ECI2: variants seen among roughly 807,000 people sequenced by gnomAD.
ECI2 encodes D3,D2-enoyl-CoA isomerase.
Under a neutral mutation model 38.4 loss-of-function variants are expected in ECI2, and 27 were observed. The observed-to-expected ratio is 0.70, with a 90% CI of 0.52 to 0.97. The LOEUF is 0.97. Among genes scored for constraint, ECI2 ranks in the 50% least tolerant of loss-of-function variants. The probability of loss-of-function intolerance (pLI) is 0.00; values close to 1 mark genes in which losing one functional copy is unlikely to be tolerated. For missense variants in ECI2, 470 were observed against 474.4 expected, an observed-to-expected ratio of 0.99 and a Z score of 0.09; for synonymous variants, 168 against 172.0, an observed-to-expected ratio of 0.98 and a Z score of 0.18.
chr6:4,135,543 C>G lies in ECI2; in HGVS notation c.18G>C (p.Leu6Phe). 6.5e-7 allele frequency: 1 copy of G among 1,542,972 alleles called. No individual in the cohort carries two copies. The highest frequency in any genetic ancestry group is 8.8e-7 in the Non-Finnish European group (1 of 1,136,984). The change falls in exon 1 of 10, where the codon TTG (leucine) becomes TTC (phenylalanine). Residue 6 changes from leucine to phenylalanine, a missense_variant. By Grantham distance (22) the Leu-to-Phe change is conservative. Coordinates refer to ENST00000380118, the MANE Select transcript of ECI2 (RefSeq NM_206836.3). MAMAY[L>F]AWRLARRSCP... ...ACGAACGCCGCGCCAGTCTCCAAGC[C>G]AAGTACGCCATCGCCATCCCTTGGG... is the stretch of plus-strand genomic sequence containing the variant.
chr6:4,130,804 T>C lies in ECI2; in HGVS notation c.275A>G (p.Lys92Arg). The C allele has an allele frequency of 1.2e-6, 2 of 1,614,222 alleles. No homozygotes were observed. Among genetic ancestry groups the C allele is most frequent in the Non-Finnish European group, 1.7e-6 (2 of 1,180,018 alleles). Reference protein sequence around the residue: ...PGVFDLINKAKWDAWNALGSL... With the variant: ...PGVFDLINKARWDAWNALGSL... Reference sequence around the variant, plus strand: ...GCCAAGGGCATTCCATGCGTCCCATTTGGCCTTGTTGATCAAGTCAAATAC... The same window carrying C: ...GCCAAGGGCATTCCATGCGTCCCATCTGGCCTTGTTGATCAAGTCAAATAC... The change falls in exon 3 of 10, where the codon AAA becomes AGA. Residue 92 changes from lysine (K) to arginine (R), a missense_variant. Physicochemically the swap from Lys to Arg is conservative, Grantham distance 26 (BLOSUM62 2). Coordinates refer to ENST00000380118, the MANE Select transcript of ECI2 (RefSeq NM_206836.3).
chr6:4,124,902 T>G, intron 7 of ECI2: 1 of 414,070 alleles, frequency 2.4e-6, no homozygotes, highest in Non-Finnish European at 5.0e-6. Context: ...AAGGATCAAC[T>G]AATCCCTTGC....
At chr6:4,133,853 C>T in intron 1 of ECI2, 142 bp from the exon 2 acceptor site, 1 of 998,068 alleles carries the variant, frequency 1.0e-6, no homozygotes, top group Admixed American at 3.7e-5. Context: ...AGCAAACTGG[C>T]TGCAAATAAT....
rs1407147876 is a variant in ECI2, at chr6:4,125,102, G to C, written c.795+148C>G. ...AGGAAAAATAAAATCAGTCAAATCA[G>C]CCTAATGCTTTGGGAAAAATCTAAA... On this transcript the variant is annotated intron_variant, in intron 7 of 9. Transcript: ENST00000380118. 1.8e-5 allele frequency: 24 copies of C among 1,310,362 alleles called. No individual in the cohort carries two copies. The East Asian group carries it at 5.4e-4, about 30-fold the overall frequency. The allele number at this position is 1,310,362 out of a possible 1,614,324, so 81.2% of individuals were successfully genotyped here.
intron 7 of ECI2, among the ~76,000 whole-genome samples, chr6:4,121,712 T>G (rs1383643189): frequency 1.3e-5 from 2 of 151,658 alleles, no homozygotes; most frequent in African/African-American, 4.8e-5. Flanking sequence ...TTTTTTACAT[T>G]TAAGACATAT....
chr6:4,120,239 T>C (rs1305949180), intron 7 of ECI2, among the ~76,000 whole-genome samples: 1 of 152,188 alleles, frequency 6.6e-6, no homozygotes, highest in Non-Finnish European at 1.5e-5. Flanking sequence ...GAGAAATGCA[T>C]AATTAGGCAA....
rs1286671258 is a variant in ECI2 at position 4,126,298 on chromosome 6, CTG to C, written c.572-63_572-62del. On this transcript the variant is annotated intron_variant, in intron 5 of 9. Coordinates refer to ENST00000380118, the MANE Select transcript of ECI2 (RefSeq NM_206836.3). The stretch of plus-strand genomic sequence containing the variant: ...TCATCCTATAATTCTTGAGTATCTA[CTG>C]CATGCCAAACTCTATGGTTAGGCAA... The C allele has an allele frequency of 2.9e-5, 41 of 1,398,244 alleles. No homozygotes were observed. The East Asian group carries it at 8.2e-4, about 28-fold the overall frequency. 86.6% of individuals were successfully genotyped at this position (1,398,244 alleles called of 1,614,324 possible). A position where few individuals can be genotyped will look rare whatever the true frequency, so the allele number is the denominator to read the frequency against.
intron 7 of ECI2, among the ~76,000 whole-genome samples, chr6:4,122,852 C>T (rs1024590229): frequency 1.4e-4 from 22 of 152,196 alleles, no homozygotes; most frequent in African/African-American, 3.6e-4. Context: ...TGTGTGTATG[C>T]GTATATTTAT....
intron 4 of ECI2, among the ~76,000 whole-genome samples, chr6:4,129,550 G>A (rs928860550): frequency 4.6e-5 from 7 of 152,188 alleles, no homozygotes; most frequent in African/African-American, 1.7e-4. Flanking sequence ...TCTGTGTGGA[G>A]AGTGCTGGCA....
chr6:4,115,780 A>G lies in ECI2; in HGVS notation c.*94T>C, dbSNP rs1772216976. The G allele has an allele frequency of 6.7e-6, 10 of 1,497,806 alleles. No homozygotes were observed. In the South Asian group the frequency reaches 1.2e-4, roughly 18 times the overall value. The allele number at this position is 1,497,806 out of a possible 1,614,324, so 92.8% of individuals were successfully genotyped here. On this transcript the variant is annotated 3_prime_UTR_variant, in exon 10 of 10. Coordinates refer to ENST00000380118, the MANE Select transcript of ECI2 (RefSeq NM_206836.3). Reference sequence around the variant, plus strand: ...TTGTAATTGATATTCTAGCACTACAAAAGGCACAATGAAGCTTATTTAGTT... The same window carrying G: ...TTGTAATTGATATTCTAGCACTACAGAAGGCACAATGAAGCTTATTTAGTT...
In ECI2 at chr6:4,125,331, C is replaced by G; in HGVS notation, c.714G>C (p.Leu238=). Residue 238 remains leucine (L), a synonymous_variant, in exon 7 of 10, where the codon CTG becomes CTC. Transcript: ENST00000380118. ...CAGCTGGACCATTGACCACTGCAAT[C>G]AGAGGCTTAGGAAAATCTATAAAAC... ...VGCFIDFPKP[L]IAVVNGPAVG... The G allele has an allele frequency of 6.2e-7, 1 of 1,614,192 alleles. No homozygotes were observed. Among genetic ancestry groups the G allele is most frequent in the Non-Finnish European group, 8.5e-7 (1 of 1,180,050 alleles).
chr6:4,117,579 G>C, intron 8 of ECI2, 128 bp from the exon 9 acceptor site: 1 of 1,318,968 alleles, frequency 7.6e-7, no homozygotes, highest in Non-Finnish European at 1.0e-6. Flanking sequence ...TTCTCAGTAA[G>C]GGAGAAGCTG....
Position 4,130,511 on chromosome 6 carries a change from G to A in ECI2, c.362C>T (p.Ser121Leu). 1 of 1,614,222 alleles carries A rather than the reference G, an allele frequency of 6.2e-7. No homozygotes were observed. The highest frequency in any genetic ancestry group is 8.5e-7 in the Non-Finnish European group (1 of 1,180,044). The change falls in exon 4 of 10, where the codon TCA becomes TTA. Residue 121 changes from serine to leucine, a missense_variant. Physicochemically the swap from Ser to Leu is moderately radical, Grantham distance 145. Coordinates refer to ENST00000380118, the MANE Select transcript of ECI2 (RefSeq NM_206836.3). ...YVDLVSSLSP[S>L]LESSSQVEPG... ...CTCCACCTGACTAGAGGATTCCAAT[G>A]AAGGACTCAAACTGGACACCAAATC...
intron 2 of ECI2, among the ~76,000 whole-genome samples, chr6:4,132,440 C>T (rs1298465208): frequency 6.6e-6 from 1 of 152,034 alleles, no homozygotes; most frequent in Non-Finnish European, 1.5e-5. Context: ...ATAAAGACTC[C>T]TACCAGTCAT....
In ECI2 at chr6:4,115,985, TTC is replaced by T. The variant is rs781117268; in HGVS notation, c.1072_1073del (p.Glu358LysfsTer6). The T allele has an allele frequency of 4.3e-6, 7 of 1,613,864 alleles. No individual in the cohort carries two copies. Among genetic ancestry groups the T allele is most frequent in the African/African-American group, 2.7e-5 (2 of 74,926 alleles). On this transcript the variant is annotated frameshift_variant, in exon 10 of 10. Coordinates refer to ENST00000380118, the MANE Select transcript of ECI2 (RefSeq NM_206836.3). LOFTEE classifies it low-confidence loss of function (END_TRUNC). Reference protein sequence around the residue: ...SKEVIRKREREKLHAVNAEEC... With the variant: ...SKEVIRKRERXKLHAVNAEEC... ...CTTCAGCATTAACAGCGTGTAGTTT[TTC>T]TCTCTCTCTTTTCCTGATTACCTCT...
chr6:4,133,821 A>G, intron 1 of ECI2, 110 bp from the exon 2 acceptor site: 4 of 1,325,762 alleles, frequency 3.0e-6, no homozygotes, highest in Non-Finnish European at 3.9e-6. Flanking sequence ...TTGTCTATAG[A>G]TATTTTCTTT....
intron 9 of ECI2, among the ~76,000 whole-genome samples, chr6:4,116,576 G>C (rs1206959994): frequency 1.3e-5 from 2 of 151,552 alleles, no homozygotes; most frequent in Non-Finnish European, 2.9e-5. Flanking sequence ...AGAGTAGCTG[G>C]GATTACAGGC....
At chr6:4,130,038 A>G in intron 4 of ECI2, 9 of 1,348,932 alleles carry the variant, frequency 6.7e-6, no homozygotes, top group South Asian at 3.6e-5. Flanking sequence ...TGACATGAAG[A>G]TACTTCTGGG....
intron 7 of ECI2, chr6:4,124,995 T>A (rs1202427402): frequency 3.3e-6 from 2 of 598,166 alleles, no homozygotes; most frequent in Admixed American, 4.4e-5. Context: ...ATGAAAGCTG[T>A]ATACCTATTG....
Sources: allele counts gnomAD v4.1 joint callset (sites outside exome capture counted in the v4.1 genomes callset), GRCh38; gene constraint gnomAD v4.1.1; transcripts MANE v1.5; gene names NCBI Gene and HGNC (gene_info 2026-07-23, HGNC 2026-07-21).